The following LITAF variants were observed in gnomAD, a reference collection of about 807,000 sequenced individuals.
LITAF encodes lipopolysaccharide induced TNF factor.
A neutral mutation model predicts 14.5 loss-of-function variants in LITAF; 9 were observed. The ratio of observed to expected loss-of-function variants is 0.62; its 90% CI spans 0.37 to 1.08. The LOEUF is 1.08. LITAF is among the 50% of genes least tolerant of loss of function. The probability of loss-of-function intolerance (pLI) is 0.01; values close to 1 mark genes in which losing one functional copy is unlikely to be tolerated. For synonymous variants in LITAF, 98 were observed against 88.2 expected (o/e 1.11, Z -0.62); for missense variants, 206 against 213.4 (o/e 0.97, Z 0.22).
intron 1 of LITAF, among the ~76,000 whole-genome samples, chr16:11,573,904 G>A (rs1252321612): frequency 2.0e-5 from 3 of 151,628 alleles, no homozygotes; most frequent in South Asian, 2.1e-4. Context: ...GTTTCACCAC[G>A]TTGGCCAGGC....
intron 3 of LITAF, among the ~76,000 whole-genome samples, chr16:11,622,098 G>C (rs1442483245): frequency 6.6e-6 from 1 of 152,222 alleles, no homozygotes; most frequent in Non-Finnish European, 1.5e-5. Context: ...TGGCTGATGA[G>C]GGTGGAGGCA....
chr16:11,619,148 TA>T (rs1262704835), intron 3 of LITAF, among the ~76,000 whole-genome samples: 2 of 151,630 alleles, frequency 1.3e-5, no homozygotes, highest in African/African-American at 4.8e-5. Context: ...CCTTCTCTAC[TA>T]AAAATACAAA....
At chr16:11,628,335 C>T (rs1488209929) in intron 3 of LITAF, among the ~76,000 whole-genome samples, 3 of 152,090 alleles carry the variant, frequency 2.0e-5, no homozygotes, top group African/African-American at 7.2e-5. Flanking sequence ...GCTAAGAGTC[C>T]TGGGAACTCT....
intron 1 of LITAF, among the ~76,000 whole-genome samples, chr16:11,582,985 A>T (rs2064761950): frequency 6.6e-6 from 1 of 152,190 alleles, no homozygotes; most frequent in African/African-American, 2.4e-5. Flanking sequence ...GAAAATGTTC[A>T]AGGTGAATGG....
chr16:11,572,150 G>A (rs988208756), intron 1 of LITAF, among the ~76,000 whole-genome samples: 10 of 151,996 alleles, frequency 6.6e-5, no homozygotes, highest in African/African-American at 2.4e-4. Flanking sequence ...TCCCCCTCCT[G>A]CCTTAGCCTG....
intron 3 of LITAF, among the ~76,000 whole-genome samples, chr16:11,633,116 G>A (rs1175413820): frequency 6.6e-6 from 1 of 152,150 alleles, no homozygotes; most frequent in Non-Finnish European, 1.5e-5. Flanking sequence ...GTGCACACAG[G>A]AACCAGACAC....
chr16:11,639,450 CATGGATGGGTGGGTGGATGG>C (rs1167445154), upstream of LITAF, among the ~76,000 whole-genome samples: 7 of 132,986 alleles, frequency 5.3e-5, no homozygotes, highest in Admixed American at 1.5e-4. Flanking sequence ...GGGTGGGATG[CATGGATGGGTGGGTGGATGG>C]ATGGATGGAT....
chr16:11,565,446 CGGGGGGGTGG>C (rs2064436555), intron 1 of LITAF, among the ~76,000 whole-genome samples: 1 of 2,178 alleles, frequency 4.6e-4, no homozygotes, highest in Admixed American at 3.2e-3. Flanking sequence ...AAGCGGGGGG[CGGGGGGGTGG>C]GGGGAGGTGC....
At chr16:11,552,995 A>T (rs1477914796) in intron 3 of LITAF, among the ~76,000 whole-genome samples, 1 of 151,924 alleles carries the variant, frequency 6.6e-6, no homozygotes, top group Admixed American at 6.6e-5. Context: ...CACACCTGTA[A>T]TCCCAGCTAC....
chr16:11,559,151 G>A (rs752461071), intron 1 of LITAF, among the ~76,000 whole-genome samples: 2 of 152,100 alleles, frequency 1.3e-5, no homozygotes, highest in Non-Finnish European at 2.9e-5. Context: ...AGCTACCCAG[G>A]AGGCTGAGGT....
At chr16:11,565,290 C>G (rs1283417386) in intron 1 of LITAF, among the ~76,000 whole-genome samples, 3 of 151,950 alleles carry the variant, frequency 2.0e-5, no homozygotes, top group Non-Finnish European at 2.9e-5. Context: ...ACCATGTTGA[C>G]CAGGCTGGGC....
chr16:11,552,024 C>T (rs1228223359), intron 3 of LITAF, among the ~76,000 whole-genome samples: 1 of 152,044 alleles, frequency 6.6e-6, no homozygotes, highest in East Asian at 1.9e-4. Context: ...TTGTCTCCTT[C>T]CTTCCTTATT....
At chr16:11,622,613 G>A (rs191376376) in intron 3 of LITAF, among the ~76,000 whole-genome samples, 15 of 152,288 alleles carry the variant, frequency 9.8e-5, no homozygotes, top group Admixed American at 2.0e-4. Flanking sequence ...CTTTTGCACC[G>A]TTTAACAGGG....
In LITAF at chr16:11,548,579, T is replaced by C. The variant is rs2064137755; in HGVS notation, c.*1058A>G. ...TAAAGGCAGTAGATGAAATTATCCATTTCTTTTTCTTTTTTTTTTTTTTAA... is the reference window on the plus strand; with the variant it reads ...TAAAGGCAGTAGATGAAATTATCCACTTCTTTTTCTTTTTTTTTTTTTTAA... On this transcript the variant is annotated 3_prime_UTR_variant, in exon 4 of 4. Coordinates refer to ENST00000622633, the MANE Select transcript of LITAF (RefSeq NM_001136472.2). 1 of 441,264 alleles carries C rather than the reference T, an allele frequency of 2.3e-6. No individual in the cohort carries two copies. Among genetic ancestry groups the C allele is most frequent in the South Asian group, 1.6e-5 (1 of 62,012 alleles). The allele number at this position is 441,264 out of a possible 1,614,324, so 27.3% of individuals were successfully genotyped here.
intron 1 of LITAF, among the ~76,000 whole-genome samples, chr16:11,577,319 T>A (rs2064654324): frequency 1.8e-5 from 2 of 109,030 alleles, no homozygotes; most frequent in South Asian, 7.1e-4. Flanking sequence ...AGTGTCTATT[T>A]TTTTTTTTTT....
At chr16:11,587,375 C>A (rs986821935), upstream of LITAF, 1 of 453,884 alleles carries the variant, frequency 2.2e-6, no homozygotes, top group African/African-American at 2.0e-5. Context: ...TCCCGGCCCT[C>A]TGGAGGGCGG....
At chr16:11,617,619 G>A (rs932812756) in intron 3 of LITAF, among the ~76,000 whole-genome samples, 1 of 151,378 alleles carries the variant, frequency 6.6e-6, no homozygotes, top group African/African-American at 2.4e-5. Context: ...TAGAGACGGG[G>A]TTTCACCATA....
At chr16:11,600,375 G>A (rs946896335), upstream of LITAF, among the ~76,000 whole-genome samples, 1 of 152,230 alleles carries the variant, frequency 6.6e-6, no homozygotes, top group Non-Finnish European at 1.5e-5. This position sits in a 1 kb window ranked among gnomAD's most constrained non-coding sequence, Gnocchi z 4.1. Context: ...TTGTGTGTTA[G>A]TCACTGCTGT....
rs577256691 is a variant in LITAF at position 11,582,342 on chromosome 16, C to T, written c.-6+4544G>A. ...CGGAAAAAAAAAAAAAAAAAAAGAA[C>T]TCCCCACAAAGCTTTAGCCACATGT... On this transcript the variant is annotated intron_variant, in intron 1 of 3. Coordinates refer to ENST00000622633, the MANE Select transcript of LITAF (RefSeq NM_001136472.2). Among the ~76,000 whole-genome samples, 56 of 123,386 alleles carry T rather than the reference C, an allele frequency of 4.5e-4. 1 individual carries two copies. Among genetic ancestry groups the T allele is most frequent in the Non-Finnish European group, 7.5e-4 (44 of 58,840 alleles). The allele number at this position is 123,386 out of a possible 152,430, so 80.9% of individuals were successfully genotyped here. A position where few individuals can be genotyped will look rare whatever the true frequency, so the allele number is the denominator to read the frequency against.
Sources: allele counts gnomAD v4.1 joint callset (sites outside exome capture counted in the v4.1 genomes callset), GRCh38; gene constraint gnomAD v4.1.1; non-coding constraint Gnocchi (gnomAD v3.1); transcripts MANE v1.5; gene names NCBI Gene and HGNC (gene_info 2026-07-23, HGNC 2026-07-21).